Variants in PLD5 observed in about 807,000 individuals in gnomAD.
PLD5 encodes the protein inactive phospholipase D5.
PLD5 carries 36 observed loss-of-function variants against 61.1 expected under a neutral mutation model. That is an observed-to-expected ratio of 0.59 (90% confidence interval 0.45 to 0.78). The LOEUF is 0.78. Among genes scored for constraint, PLD5 ranks in the 30% least tolerant of loss-of-function variants. The probability of loss-of-function intolerance (pLI) is 0.00; values close to 1 mark genes in which losing one functional copy is unlikely to be tolerated. For synonymous variants in PLD5, 243 were observed against 242.8 expected, an observed-to-expected ratio of 1.00 and a Z score of -0.01; for missense variants, 515 against 644.4, an observed-to-expected ratio of 0.80 and a Z score of 2.17.
intron 2 of PLD5, among the ~76,000 whole-genome samples, chr1:242,298,332 T>C (rs1253921017): frequency 6.6e-6 from 1 of 152,220 alleles, no homozygotes; most frequent in Non-Finnish European, 1.5e-5. Context: ...GTAGCTATTA[T>C]TTGTTGCTTA....
At chr1:242,385,959 CAGA>C (rs1662574806) in intron 1 of PLD5, among the ~76,000 whole-genome samples, 1 of 152,278 alleles carries the variant, frequency 6.6e-6, no homozygotes, top group East Asian at 1.9e-4. Flanking sequence ...TTCTGGAATG[CAGA>C]AGTTCAGGGA....
At chr1:242,386,378 G>A (rs1662601917) in intron 1 of PLD5, among the ~76,000 whole-genome samples, 1 of 152,070 alleles carries the variant, frequency 6.6e-6, no homozygotes, top group African/African-American at 2.4e-5. Flanking sequence ...TTAATTAAGT[G>A]ATCCGTGTGA....
chr1:242,484,411 T>A (rs1004962288), intron 1 of PLD5, among the ~76,000 whole-genome samples: 8 of 152,204 alleles, frequency 5.3e-5, no homozygotes, highest in African/African-American at 1.4e-4. Context: ...CAAACTACCA[T>A]CAGAGAATAC....
chr1:242,463,447 G>A (rs1033569018), intron 1 of PLD5, among the ~76,000 whole-genome samples: 3 of 152,132 alleles, frequency 2.0e-5, no homozygotes, highest in Non-Finnish European at 4.4e-5. Flanking sequence ...CCAAGCAGTC[G>A]TGCTTCTTAT....
chr1:242,374,495 T>C (rs547971233), intron 1 of PLD5, among the ~76,000 whole-genome samples: 2 of 151,956 alleles, frequency 1.3e-5, no homozygotes, highest in African/African-American at 4.8e-5. Flanking sequence ...AATACCATTC[T>C]CCCCCAGGGC....
chr1:242,111,610 G>C (rs992888198), intron 7 of PLD5, among the ~76,000 whole-genome samples: 1 of 151,888 alleles, frequency 6.6e-6, no homozygotes, highest in African/African-American at 2.4e-5. Flanking sequence ...AAATTTGATA[G>C]TATTTACCTA....
At chr1:242,308,586 A>G (rs1344042408) in intron 2 of PLD5, among the ~76,000 whole-genome samples, 1 of 152,180 alleles carries the variant, frequency 6.6e-6, no homozygotes, top group Non-Finnish European at 1.5e-5. Flanking sequence ...CATATACTAT[A>G]TATATCAGAA....
intron 5 of PLD5, among the ~76,000 whole-genome samples, chr1:242,173,392 A>C (rs1666890659): frequency 6.6e-6 from 1 of 152,214 alleles, no homozygotes; most frequent in Non-Finnish European, 1.5e-5. Flanking sequence ...TGTTCAACGA[A>C]ATAAAAGAGG....
At chr1:242,216,192 C>A (rs1469701265) in intron 5 of PLD5, among the ~76,000 whole-genome samples, 1 of 152,036 alleles carries the variant, frequency 6.6e-6, no homozygotes, top group Non-Finnish European at 1.5e-5. Flanking sequence ...AGAATAACAG[C>A]AATGACCGCC....
rs1659399952 is a variant in PLD5, at chr1:242,085,330, A to C, written c.*4524T>G. On this transcript the variant is annotated 3_prime_UTR_variant, in exon 10 of 10. Coordinates refer to ENST00000536534, the MANE Select transcript of PLD5 (RefSeq NM_001372062.1). ...ACTGCTAATGGGTCAAAAATAAGAAAATTTCATTTTTACATCTTCAAGAAA... is the reference window on the plus strand; with the variant it reads ...ACTGCTAATGGGTCAAAAATAAGAACATTTCATTTTTACATCTTCAAGAAA... 1 of 152,166 alleles carries C rather than the reference A, an allele frequency of 6.6e-6. No individual in the cohort carries two copies. The highest frequency in any genetic ancestry group is 1.5e-5 in the Non-Finnish European group (1 of 68,024). The allele number at this position is 152,166 out of a possible 1,614,324, so 9.4% of individuals were successfully genotyped here. A position where few individuals can be genotyped will look rare whatever the true frequency, so the allele number is the denominator to read the frequency against.
intron 1 of PLD5, among the ~76,000 whole-genome samples, chr1:242,431,649 C>T (rs1665726702): frequency 6.6e-6 from 1 of 152,184 alleles, no homozygotes; most frequent in Admixed American, 6.5e-5. Context: ...AACTCTGTCA[C>T]CTGCCAGATT....
chr1:242,505,549 T>C (rs1440126107), intron 1 of PLD5, among the ~76,000 whole-genome samples: 2 of 151,982 alleles, frequency 1.3e-5, no homozygotes, highest in Admixed American at 6.6e-5. Context: ...GCACATTTTC[T>C]TCATGTGATT....
intron 1 of PLD5, among the ~76,000 whole-genome samples, chr1:242,349,365 G>A (rs1394274808): frequency 1.3e-5 from 2 of 152,122 alleles, no homozygotes; most frequent in African/African-American, 4.8e-5. Flanking sequence ...AGGGAGGAGG[G>A]CACAAATTAG....
At chr1:242,328,475 A>G (rs555484157) in intron 2 of PLD5, among the ~76,000 whole-genome samples, 14 of 152,262 alleles carry the variant, frequency 9.2e-5, no homozygotes, top group Non-Finnish European at 1.8e-4. Context: ...ACATATGTGT[A>G]TTCTACATAT....
chr1:242,294,269 C>T, intron 2 of PLD5, among the ~76,000 whole-genome samples: 1 of 152,140 alleles, frequency 6.6e-6, no homozygotes, highest in East Asian at 1.9e-4. Flanking sequence ...GGAATAAATA[C>T]AAGAAAAAGC....
At chr1:242,197,807 G>A (rs1265558815) in intron 5 of PLD5, among the ~76,000 whole-genome samples, 1 of 151,890 alleles carries the variant, frequency 6.6e-6, no homozygotes, top group Admixed American at 6.6e-5. Context: ...GCTAATTTTT[G>A]TATTTTTGCA....
chr1:242,478,306 T>G (rs1667662332), intron 1 of PLD5, among the ~76,000 whole-genome samples: 1 of 152,120 alleles, frequency 6.6e-6, no homozygotes, highest in South Asian at 2.1e-4. Context: ...CTCACTGTGT[T>G]CTGCTCTTAC....
chr1:242,360,557 T>C (rs538004862), intron 1 of PLD5, among the ~76,000 whole-genome samples: 1 of 152,264 alleles, frequency 6.6e-6, no homozygotes, highest in Admixed American at 6.5e-5. Flanking sequence ...TAACTGCCAT[T>C]TATATTTCAT....
chr1:242,237,483 C>T (rs961259037), intron 4 of PLD5, among the ~76,000 whole-genome samples: 3 of 152,126 alleles, frequency 2.0e-5, no homozygotes, highest in Non-Finnish European at 4.4e-5. Flanking sequence ...TGAGGTAGAG[C>T]TTTCTTAGTA....
Sources: allele counts gnomAD v4.1 joint callset (sites outside exome capture counted in the v4.1 genomes callset), GRCh38; gene constraint gnomAD v4.1.1; transcripts MANE v1.5; gene names NCBI Gene and HGNC (gene_info 2026-07-23, HGNC 2026-07-21).